Variants in TEAD1 observed in about 807,000 individuals in gnomAD.
TEAD1 encodes transcriptional enhancer factor TEF-1.
Under a neutral mutation model 54.9 loss-of-function variants are expected in TEAD1, and 9 were observed. That is an observed-to-expected ratio of 0.16 (90% CI 0.10 to 0.29). The LOEUF (loss-of-function observed/expected upper bound fraction) is 0.29. TEAD1 is among the 10% of genes least tolerant of loss of function. The pLI is 1.00. For synonymous variants in TEAD1, 200 were observed against 187.8 expected, an observed-to-expected ratio of 1.07 and a Z score of -0.53; for missense variants, 387 against 535.9, an observed-to-expected ratio of 0.72 and a Z score of 2.74.
intron 5 of TEAD1, among the ~76,000 whole-genome samples, chr11:12,876,509 C>T (rs910962195): frequency 2.6e-5 from 4 of 152,106 alleles, no homozygotes; most frequent in Non-Finnish European, 4.4e-5. Context: ...AGAGGATCCA[C>T]GATGTTCTTC....
At chr11:12,867,045 T>A (rs975819050) in intron 5 of TEAD1, among the ~76,000 whole-genome samples, 1 of 152,160 alleles carries the variant, frequency 6.6e-6, no homozygotes. Context: ...TTAAGCTCAC[T>A]ATGAAGTGAC....
chr11:12,761,020 A>G (rs1187377022), intron 2 of TEAD1, among the ~76,000 whole-genome samples: 5 of 152,208 alleles, frequency 3.3e-5, no homozygotes, highest in Admixed American at 3.3e-4. Context: ...TAGATAGGTA[A>G]TTCCATCCTG....
At chr11:12,912,890 T>C (rs1368428386) in intron 10 of TEAD1, among the ~76,000 whole-genome samples, 5 of 152,124 alleles carry the variant, frequency 3.3e-5, no homozygotes, top group African/African-American at 1.2e-4. Flanking sequence ...GTCTCTGTGA[T>C]TGCTAAGAAA....
chr11:12,678,322 T>C (rs931661040), intron 2 of TEAD1, among the ~76,000 whole-genome samples: 16 of 152,336 alleles, frequency 1.1e-4, no homozygotes, highest in Non-Finnish European at 1.8e-4. Flanking sequence ...CAGAAAAATA[T>C]ATTGTAAGCT....
chr11:12,822,315 A>C (rs1450818940), intron 3 of TEAD1: 2 of 152,182 alleles, frequency 1.3e-5, no homozygotes, highest in Non-Finnish European at 2.9e-5. Context: ...GTCCTCTGTG[A>C]ATTGAAATAT....
intron 3 of TEAD1, among the ~76,000 whole-genome samples, chr11:12,826,842 A>C (rs1334543476): frequency 6.6e-6 from 1 of 152,204 alleles, no homozygotes; most frequent in African/African-American, 2.4e-5. Context: ...AGGTTCCTGA[A>C]CTAGGTTTTC....
chr11:12,811,861 TGGGGG>T (rs1946308267), intron 3 of TEAD1, among the ~76,000 whole-genome samples: 2 of 24,298 alleles, frequency 8.2e-5, no homozygotes, highest in Non-Finnish European at 8.5e-5. Context: ...GGGGTGGGGG[TGGGGG>T]TAGGGTGGTG....
At chr11:12,817,831 G>A (rs920579953) in intron 3 of TEAD1, among the ~76,000 whole-genome samples, 3 of 152,194 alleles carry the variant, frequency 2.0e-5, no homozygotes, top group African/African-American at 7.2e-5. Context: ...CAGGGCCATT[G>A]AAACACAGTC....
chr11:12,911,253 G>A (rs1157266373), intron 10 of TEAD1, among the ~76,000 whole-genome samples: 1 of 152,128 alleles, frequency 6.6e-6, no homozygotes, highest in Non-Finnish European at 1.5e-5. Context: ...CATAAAACTG[G>A]GTTTTATTTA....
At chr11:12,878,954 T>A (rs1947911491) in intron 5 of TEAD1, 17 of 1,250,230 alleles carry the variant, frequency 1.4e-5, no homozygotes, top group Non-Finnish European at 1.6e-5. Flanking sequence ...CTTGGCAGAC[T>A]TTTTTGGCTA....
intron 10 of TEAD1, among the ~76,000 whole-genome samples, chr11:12,907,375 A>G (rs1948538920): frequency 6.6e-6 from 1 of 152,214 alleles, no homozygotes; most frequent in South Asian, 2.1e-4. Flanking sequence ...TCGGTGTTTT[A>G]ACAATTTTTC....
At chr11:12,924,430 A>G (rs1948870909) in intron 10 of TEAD1, among the ~76,000 whole-genome samples, 1 of 152,240 alleles carries the variant, frequency 6.6e-6, no homozygotes, top group African/African-American at 2.4e-5. Flanking sequence ...GTCATTATTT[A>G]ACATCTTTGT....
chr11:12,683,332 T>C (rs907441475), intron 2 of TEAD1, among the ~76,000 whole-genome samples: 1 of 152,372 alleles, frequency 6.6e-6, no homozygotes, highest in East Asian at 1.9e-4. Flanking sequence ...TTTGCATCTC[T>C]AGTCCTAAGG....
At chr11:12,835,762 A>G (rs954117564) in intron 3 of TEAD1, among the ~76,000 whole-genome samples, 23 of 152,224 alleles carry the variant, frequency 1.5e-4, no homozygotes, top group African/African-American at 5.5e-4. Flanking sequence ...CAAAGAGGCA[A>G]ACTCAGGGAT....
intron 3 of TEAD1, among the ~76,000 whole-genome samples, chr11:12,825,875 A>T (rs527924127): frequency 6.6e-6 from 1 of 152,340 alleles, no homozygotes; most frequent in East Asian, 1.9e-4. Context: ...ATTATTGTCA[A>T]TTGATTTCTC....
At chr11:12,907,586 A>AGGAAT (rs1324093149) in intron 10 of TEAD1, among the ~76,000 whole-genome samples, 1 of 152,218 alleles carries the variant, frequency 6.6e-6, no homozygotes, top group Non-Finnish European at 1.5e-5. Context: ...GTGATTTTGC[A>AGGAAT]GGAATGGAAG....
intron 3 of TEAD1, among the ~76,000 whole-genome samples, chr11:12,851,765 G>C (rs143829358): frequency 0.011 from 1,677 of 151,522 alleles, 15 homozygotes; most frequent in Non-Finnish European, 0.018. Context: ...CTGCACTCCA[G>C]ACTGGGCAAC....
intron 2 of TEAD1, among the ~76,000 whole-genome samples, chr11:12,721,856 A>T (rs886716031): frequency 4.6e-5 from 7 of 152,206 alleles, no homozygotes; most frequent in Non-Finnish European, 8.8e-5. Context: ...TTTCCTGTTG[A>T]TAGGACAGTG....
chr11:12,798,792 C>G (rs767290907), intron 3 of TEAD1, among the ~76,000 whole-genome samples: 1 of 152,202 alleles, frequency 6.6e-6, no homozygotes, highest in Non-Finnish European at 1.5e-5. Flanking sequence ...ATAAAAGGAG[C>G]ATGCATTTCT....
Sources: allele counts gnomAD v4.1 joint callset (sites outside exome capture counted in the v4.1 genomes callset), GRCh38; gene constraint gnomAD v4.1.1; transcripts MANE v1.5; gene names NCBI Gene and HGNC (gene_info 2026-07-23, HGNC 2026-07-21).